The following KARS1 variants were observed in gnomAD, a reference collection of about 807,000 sequenced individuals.
KARS1 encodes the protein lysyl-tRNA synthetase 1.
In KARS1, 50 loss-of-function variants were observed where a neutral mutation model predicts 63.9. The ratio of observed to expected loss-of-function variants is 0.78; its 90% CI spans 0.62 to 0.99. The LOEUF is 0.99. Among genes scored for constraint, KARS1 ranks in the 50% least tolerant of loss-of-function variants. The pLI is 0.00. For synonymous variants in KARS1, 320 were observed against 264.6 expected (o/e 1.21, Z -2.03); for missense variants, 816 against 754.5 (o/e 1.08, Z -0.95).
chr16:75,646,848 C>T (rs376341274), intron 1 of KARS1, among the ~76,000 whole-genome samples: 1 of 152,080 alleles, frequency 6.6e-6, no homozygotes, highest in African/African-American at 2.4e-5. Context: ...TATGTACCAT[C>T]TTCCTAGCAA....
intron 6 of KARS1, among the ~76,000 whole-genome samples, chr16:75,634,866 C>T (rs959103203): frequency 4.6e-5 from 7 of 152,132 alleles, no homozygotes; most frequent in South Asian, 2.1e-4. Flanking sequence ...TGAGCCACTG[C>T]GCCCGGCCCA....
intron 1 of KARS1, chr16:75,644,332 CA>C (rs1567505439): frequency 6.2e-7 from 1 of 1,609,142 alleles, no homozygotes. Context: ...GTGAAAGGAG[CA>C]AGTTGACCCA....
rs201829456 is a variant in KARS1 at position 75,640,331 on chromosome 16, T to G, written c.241A>C (p.Ser81Arg). The change falls in exon 3 of 14, where the codon AGT becomes CGT. Residue 81 changes from serine to arginine, a missense_variant. Ser to Arg is a moderately radical substitution (Grantham distance 110). Coordinates refer to ENST00000302445, the MANE Select transcript of KARS1 (RefSeq NM_005548.3). ...VDPNQYYKIR[S>R]QAIHQLKVNG... ...ACCTTCAGCTGATGAATTGCTTGACTGCGGATTTTGTAGTATTGCTGTTAA... is the reference window on the plus strand; with the variant it reads ...ACCTTCAGCTGATGAATTGCTTGACGGCGGATTTTGTAGTATTGCTGTTAA... 3.7e-6 allele frequency: 6 copies of G among 1,609,286 alleles called. No individual in the cohort carries two copies. The Admixed American group carries it at 1.0e-4, about 27-fold the overall frequency.
rs869266336 is a variant in KARS1, at chr16:75,636,943, ATTTT to A, written c.389-400_389-397del. 3.8e-3 allele frequency among the ~76,000 whole-genome samples: 443 copies of A among 116,064 alleles called. 2 individuals carry two copies. The highest frequency in any genetic ancestry group is 0.025 in the Middle Eastern group (6 of 236). The allele number at this position is 116,064 out of a possible 152,430, so 76.1% of individuals were successfully genotyped here. On this transcript the variant is annotated intron_variant, in intron 3 of 13. Transcript: ENST00000302445. ...GTGTGAGCCCCCACACCCGGCCTGC[ATTTT>A]TTTTTTTTTTTTGGTCAGGGCACAA...
Position 75,635,924 on chromosome 16 carries a change from G to A in KARS1, c.657C>T (p.Gly219=), listed in dbSNP as rs2082156611. Residue 219 remains glycine (G), a synonymous_variant, in exon 5 of 14, where the codon GGC becomes GGT. Transcript: ENST00000302445. ...CLHMLPHLHF[G]LKDKETRYRQ... is the part of the protein sequence containing the mutation. The stretch of plus-strand genomic sequence containing the variant: ...CAAGAACGCTTACCTTGTCTTTGAG[G>A]CCAAAGTGAAGATGAGGTAACATAT... 1 of 1,614,124 alleles carries A rather than the reference G, an allele frequency of 6.2e-7. No homozygotes were observed. Among genetic ancestry groups the A allele is most frequent in the Non-Finnish European group, 8.5e-7 (1 of 1,179,982 alleles).
In KARS1 at chr16:75,647,604, A is replaced by C; in HGVS notation, c.36T>G (p.Asp12Glu). 6.2e-7 allele frequency: 1 copy of C among 1,613,434 alleles called. No homozygotes were observed. Among genetic ancestry groups the C allele is most frequent in the East Asian group, 2.2e-5 (1 of 44,846 alleles). The change falls in exon 1 of 14, where the codon GAT becomes GAG. Residue 12 changes from aspartate to glutamate, a missense_variant. Transcript: ENST00000302445. The part of the protein sequence containing the change: ...AAVQAAEVKV[D>E]GSEPKLSKNE... ...TCTTGCTCAGTTTCGGCTCGCTGCC[A>C]TCCACTTTCACCTCGGCCGCCTGCA...
intron 3 of KARS1, chr16:75,639,900 G>C (rs142528831): frequency 9.4e-5 from 42 of 447,402 alleles, no homozygotes; most frequent in South Asian, 9.1e-4. Flanking sequence ...CCAAAGACTG[G>C]AATTCTTAGA....
chr16:75,633,090 A>C (rs1053568930), intron 7 of KARS1, among the ~76,000 whole-genome samples: 1 of 152,196 alleles, frequency 6.6e-6, no homozygotes, highest in South Asian at 2.1e-4. Flanking sequence ...CTGGACTTTA[A>C]TAATTCCTAG....
rs748461134 is a variant in KARS1, at chr16:75,628,640, G to A, written c.1624C>T (p.Pro542Ser). Reference protein sequence around the residue: ...NFCTALEYGLPPTAGWGMGID... With the variant: ...NFCTALEYGLSPTAGWGMGID... ...CCCATGCCCCAGCCAGCTGTGGGGG[G>A]CAGCCCATATTCCAGGGCAGTACAG... Residue 542 changes from proline to serine, a missense_variant, in exon 13 of 14, where the codon CCC becomes TCC. By Grantham distance (74) the Pro-to-Ser change is moderately conservative. Coordinates refer to ENST00000302445, the MANE Select transcript of KARS1 (RefSeq NM_005548.3). 6.2e-7 allele frequency: 1 copy of A among 1,614,058 alleles called. No homozygotes were observed. The highest frequency in any genetic ancestry group is 8.5e-7 in the Non-Finnish European group (1 of 1,179,934).
chr16:75,647,417 G>A (rs1015765050), intron 1 of KARS1, 161 bp downstream of exon 1: 9 of 733,852 alleles, frequency 1.2e-5, no homozygotes, highest in East Asian at 2.7e-5. Flanking sequence ...GTATCCCGGG[G>A]TACGTGGTCT....
At position 75,632,002 on chromosome 16, in the gene KARS1, C is replaced by T. The variant is rs147532538; in HGVS notation, c.916-147G>A. 0.016 allele frequency: 15,429 copies of T among 938,540 alleles called. 170 individuals carry two copies. Among genetic ancestry groups the T allele is most frequent in the Non-Finnish European group, 0.021 (12,343 of 592,114 alleles). The allele number at this position is 938,540 out of a possible 1,614,324, so 58.1% of individuals were successfully genotyped here. On this transcript the variant is annotated intron_variant, in intron 7 of 13. Transcript: ENST00000302445. The stretch of plus-strand genomic sequence containing the variant: ...TCCTAGGTTCAAGCAATTCTCCTGC[C>T]CCAGCCTCCCTAGTAGCTGGGATTA...
chr16:75,635,532 G>C, intron 6 of KARS1, 148 bp downstream of exon 6: 1 of 914,396 alleles, frequency 1.1e-6, no homozygotes, highest in Non-Finnish European at 1.7e-6. Flanking sequence ...GGACAAGGTA[G>C]AACAGAGACG....
Position 75,631,248 on chromosome 16 carries a change from G to T in KARS1, c.1258C>A (p.Arg420Ser). ...ETNLFETEET[R>S]KILDDICVAK... ...ACACAGATATCATCAAGAATTTTGC[G>T]AGTTTCTGGGACACAAATGCAAAAG... Residue 420 changes from arginine (R) to serine (S), a missense_variant, in exon 10 of 14, where the codon CGC (arginine) becomes AGC (serine). Coordinates refer to ENST00000302445, the MANE Select transcript of KARS1 (RefSeq NM_005548.3). 1.2e-6 allele frequency: 2 copies of T among 1,613,788 alleles called. No individual in the cohort carries two copies. Among genetic ancestry groups the T allele is most frequent in the Non-Finnish European group, 1.7e-6 (2 of 1,179,830 alleles).
chr16:75,642,045 T>C (rs1049612009), intron 1 of KARS1, among the ~76,000 whole-genome samples: 5 of 152,102 alleles, frequency 3.3e-5, no homozygotes, highest in African/African-American at 1.2e-4. Flanking sequence ...TGCATTAGTT[T>C]TGAATAGGAG....
intron 7 of KARS1, 119 bp from the exon 8 acceptor site, chr16:75,631,974 G>A (rs569766694): frequency 5.9e-6 from 7 of 1,186,876 alleles, no homozygotes; most frequent in African/African-American, 1.5e-5. Flanking sequence ...CGCAACCTCC[G>A]CCTCCTAGGT....
At chr16:75,634,996 T>C (rs1369984545) in intron 6 of KARS1, among the ~76,000 whole-genome samples, 1 of 152,220 alleles carries the variant, frequency 6.6e-6, no homozygotes, top group African/African-American at 2.4e-5. Flanking sequence ...TAGAAATCCA[T>C]CCTACAGAAA....
rs779241883 is a variant in KARS1, at chr16:75,631,231, A to G, written c.1275T>C (p.Asp425=). Reference sequence around the variant, plus strand: ...ATTCAACAGCTTTTGCCACACAGATATCATCAAGAATTTTGCGAGTTTCTG... The same window carrying G: ...ATTCAACAGCTTTTGCCACACAGATGTCATCAAGAATTTTGCGAGTTTCTG... ...ETEETRKILD[D]ICVAKAVECP... The change falls in exon 10 of 14, where the codon GAT becomes GAC. Residue 425 remains aspartate (D), a synonymous_variant. Transcript: ENST00000302445. The G allele has an allele frequency of 4.1e-5, 66 of 1,613,974 alleles. No individual in the cohort carries two copies. Among genetic ancestry groups the G allele is most frequent in the Non-Finnish European group, 3.8e-5 (45 of 1,179,980 alleles).
At chr16:75,647,486 C>A in intron 1 of KARS1, 92 bp downstream of exon 1, 1 of 1,213,356 alleles carries the variant, frequency 8.2e-7, no homozygotes, top group South Asian at 1.3e-5. Flanking sequence ...GCAAGAAGGC[C>A]CCGGCACAGC....
At chr16:75,636,631 A>ATT (rs57060791) in intron 3 of KARS1, 84 bp from the exon 4 acceptor site, 268 of 727,812 alleles carry the variant, frequency 3.7e-4, no homozygotes, top group Middle Eastern at 5.3e-4. Flanking sequence ...CTCCCTCTGC[A>ATT]TTTTTTTTTT....
Sources: allele counts gnomAD v4.1 joint callset (sites outside exome capture counted in the v4.1 genomes callset), GRCh38; gene constraint gnomAD v4.1.1; transcripts MANE v1.5; gene names NCBI Gene and HGNC (gene_info 2026-07-23, HGNC 2026-07-21).